Variants in TMEFF1 observed in about 807,000 individuals in gnomAD.
TMEFF1 encodes the protein tomoregulin-1.
Under a neutral mutation model 47.5 loss-of-function variants are expected in TMEFF1, and 20 were observed. That is an observed-to-expected ratio of 0.42 (90% CI 0.30 to 0.61). The LOEUF (loss-of-function observed/expected upper bound fraction) is 0.61. Among genes scored for constraint, TMEFF1 ranks in the 20% least tolerant of loss-of-function variants. The pLI is 0.19. For synonymous variants in TMEFF1, 162 were observed against 166.3 expected, an observed-to-expected ratio of 0.97 and a Z score of 0.20; for missense variants, 411 against 471.1, an observed-to-expected ratio of 0.87 and a Z score of 1.18.
chr9:100,522,477 G>A (rs544891732), intron 5 of TMEFF1, among the ~76,000 whole-genome samples: 7 of 113,142 alleles, frequency 6.2e-5, no homozygotes, highest in East Asian at 2.4e-4. Context: ...TTGCTCTGTC[G>A]CCCAGGCCGG....
chr9:100,540,667 C>T (rs1003990625), intron 5 of TMEFF1, among the ~76,000 whole-genome samples: 3 of 152,232 alleles, frequency 2.0e-5, no homozygotes, highest in African/African-American at 4.8e-5. Flanking sequence ...GCTGCTAGCA[C>T]GTTGTCACCT....
At chr9:100,565,762 A>C (rs1564028987) in intron 8 of TMEFF1, among the ~76,000 whole-genome samples, 1 of 152,204 alleles carries the variant, frequency 6.6e-6, no homozygotes, top group Non-Finnish European at 1.5e-5. Context: ...TGTATCATAG[A>C]ACTTGATATC....
intron 1 of TMEFF1, among the ~76,000 whole-genome samples, chr9:100,474,330 T>TGC (rs1354051623): frequency 3.3e-5 from 5 of 151,222 alleles, no homozygotes; most frequent in South Asian, 2.1e-4. Context: ...ACTGTGTGTG[T>TGC]GCGCGCGCGC....
Position 100,572,500 on chromosome 9 carries a change from T to C in TMEFF1, c.900-18T>C, listed in dbSNP as rs749765561. 8 of 1,556,204 alleles carry C rather than the reference T, an allele frequency of 5.1e-6. No individual in the cohort carries two copies. The East Asian group carries it at 1.6e-4, about 31-fold the overall frequency. ...AATTTGTAATTTTCATAGGAATATA[T>C]ATATTTTTCCTTTTCAGATGTGAAT... On this transcript the variant is annotated intron_variant, in intron 8 of 9. Transcript: ENST00000374879.
At position 100,501,707 on chromosome 9, in the gene TMEFF1, C is replaced by T. The variant is rs937639616; in HGVS notation, c.306+2833C>T. ...GTTGCCAGGCTGGAGTGCAGTGGTG[C>T]GATCGTGGCTCACTGCAACCTCCGC... On this transcript the variant is annotated intron_variant, in intron 2 of 9. Transcript: ENST00000374879. 7.2e-5 allele frequency among the ~76,000 whole-genome samples: 11 copies of T among 152,070 alleles called. No individual in the cohort carries two copies. The South Asian group carries it at 1.5e-3, about 20-fold the overall frequency.
chr9:100,515,071 C>T (rs575049013), intron 4 of TMEFF1, among the ~76,000 whole-genome samples: 3 of 151,390 alleles, frequency 2.0e-5, no homozygotes, highest in East Asian at 2.0e-4. Flanking sequence ...GAGGCTAAAG[C>T]GGGAGGATTG....
chr9:100,474,701 G>A, intron 1 of TMEFF1, among the ~76,000 whole-genome samples: 1 of 151,816 alleles, frequency 6.6e-6, no homozygotes, highest in East Asian at 1.9e-4. Context: ...CAGGGAAGAT[G>A]TCGTGCCTGT....
rs182849413 is a variant in TMEFF1 at position 100,566,371 on chromosome 9, A to G, written c.899+4851A>G. Among the ~76,000 whole-genome samples, 258 of 152,240 alleles carry G rather than the reference A, an allele frequency of 1.7e-3. 1 individual carries two copies. The highest frequency in any genetic ancestry group is 0.014 in the Admixed American group (221 of 15,290). On this transcript the variant is annotated intron_variant, in intron 8 of 9. Coordinates refer to ENST00000374879, the MANE Select transcript of TMEFF1 (RefSeq NM_003692.5). ...TTCCACATGGACGTCTGACACCTCA[A>G]TCTCAACAGGACCAAAGCTGATCTC...
At chr9:100,572,724 C>A (rs773013787) in intron 9 of TMEFF1, 48 bp downstream of exon 9, 9 of 1,554,190 alleles carry the variant, frequency 5.8e-6, no homozygotes. Context: ...AGGCAGGCAA[C>A]TGTTTATTTA....
chr9:100,576,768 GT>G lies in TMEFF1; in HGVS notation c.*169del. ...TACGACAGTTTTGGACTGTTTAGTA[GT>G]CTTTGTTTTATGTTTTTAAATACAG... is the stretch of plus-strand genomic sequence containing the variant. On this transcript the variant is annotated 3_prime_UTR_variant, in exon 10 of 10. Coordinates refer to ENST00000374879, the MANE Select transcript of TMEFF1 (RefSeq NM_003692.5). 2 of 709,328 alleles carry G rather than the reference GT, an allele frequency of 2.8e-6. No homozygotes were observed. The highest frequency in any genetic ancestry group is 4.2e-6 in the Non-Finnish European group (2 of 472,994). The allele number at this position is 709,328 out of a possible 1,614,324, so 43.9% of individuals were successfully genotyped here.
At chr9:100,476,421 G>A (rs1228428110) in intron 1 of TMEFF1, among the ~76,000 whole-genome samples, 1 of 151,814 alleles carries the variant, frequency 6.6e-6, no homozygotes, top group Admixed American at 6.6e-5. Context: ...TTGAGATGGA[G>A]TCTCACTTTG....
chr9:100,564,275 A>G (rs1178445387), intron 8 of TMEFF1, among the ~76,000 whole-genome samples: 2 of 152,066 alleles, frequency 1.3e-5, no homozygotes, highest in Non-Finnish European at 2.9e-5. Flanking sequence ...GGGTTTTGCC[A>G]TGTTGGCCAG....
At chr9:100,554,798 GA>G (rs1273140550) in intron 7 of TMEFF1, among the ~76,000 whole-genome samples, 1 of 151,974 alleles carries the variant, frequency 6.6e-6, no homozygotes, top group African/African-American at 2.4e-5. Context: ...AAGCAAGACA[GA>G]ATATTTTGAA....
chr9:100,525,537 G>A (rs1446753436), intron 5 of TMEFF1, among the ~76,000 whole-genome samples: 1 of 152,092 alleles, frequency 6.6e-6, no homozygotes, highest in Non-Finnish European at 1.5e-5. Flanking sequence ...CCACCGAGAT[G>A]TGCTCCCTCA....
intron 5 of TMEFF1, among the ~76,000 whole-genome samples, chr9:100,522,980 C>T (rs543086194): frequency 3.3e-5 from 5 of 152,164 alleles, no homozygotes; most frequent in Non-Finnish European, 7.4e-5. Context: ...CTTAGTGATT[C>T]GCCCGCCTCA....
At chr9:100,500,299 T>G (rs1837734356) in intron 2 of TMEFF1, among the ~76,000 whole-genome samples, 1 of 152,182 alleles carries the variant, frequency 6.6e-6, no homozygotes, top group African/African-American at 2.4e-5. Context: ...GAAATCTATT[T>G]GTTACTCAGT....
chr9:100,527,423 C>T (rs34138998), intron 5 of TMEFF1, among the ~76,000 whole-genome samples: 4,576 of 152,320 alleles, frequency 0.03, 88 homozygotes, highest in African/African-American at 0.037. Context: ...CATTGCCTCA[C>T]TCGGGAAGTG....
chr9:100,518,385 A>G (rs978934877), intron 5 of TMEFF1: 21 of 971,358 alleles, frequency 2.2e-5, no homozygotes, highest in South Asian at 1.9e-4. Context: ...TTGTGTGTCT[A>G]TTTATCTGAG....
Position 100,557,831 on chromosome 9 carries a change from T to C in TMEFF1, c.776-3566T>C, listed in dbSNP as rs1397184965. Among the ~76,000 whole-genome samples, 4 of 125,266 alleles carry C rather than the reference T, an allele frequency of 3.2e-5. 1 individual carries two copies. Among genetic ancestry groups the C allele is most frequent in the South Asian group, 7.4e-4 (2 of 2,696 alleles). 82.2% of individuals were successfully genotyped at this position (125,266 alleles called of 152,430 possible). A position where few individuals can be genotyped will look rare whatever the true frequency, so the allele number is the denominator to read the frequency against. On this transcript the variant is annotated intron_variant, in intron 7 of 9. Transcript: ENST00000374879. ...TCTTGAGGGCAAGGACCATGCATGC[T>C]TTTTTTTTTTTTTTAATATCCTCTG...
Sources: gnomAD v4.1 joint callset for allele counts (sites outside exome capture counted in the v4.1 genomes callset) on GRCh38, gnomAD v4.1.1 for gene constraint, MANE v1.5 for transcripts, NCBI Gene and HGNC (gene_info 2026-07-23, HGNC 2026-07-21) for gene names.